CAST: variants seen among roughly 807,000 people sequenced by gnomAD.
CAST encodes the protein MIR583 host.
CAST carries 76 observed loss-of-function variants against 119.6 expected under a neutral mutation model. The ratio of observed to expected loss-of-function variants is 0.64; its 90% CI spans 0.53 to 0.77. The LOEUF (loss-of-function observed/expected upper bound fraction) is 0.77, where lower values mean the gene tolerates loss of function less well. Among genes scored for constraint, CAST ranks in the 30% least tolerant of loss-of-function variants. The probability of loss-of-function intolerance (pLI) is 0.00; values close to 1 mark genes in which losing one functional copy is unlikely to be tolerated. For missense variants in CAST, 953 were observed against 946.5 expected, an observed-to-expected ratio of 1.01 and a Z score of -0.09; for synonymous variants, 319 against 331.6, an observed-to-expected ratio of 0.96 and a Z score of 0.41.
the CAST span, among the ~76,000 whole-genome samples, chr5:96,159,405 A>T: frequency 6.6e-6 from 1 of 152,236 alleles, no homozygotes; most frequent in African/African-American, 2.4e-5. Context: ...TGGAATTTTT[A>T]AATTATAAAA....
the CAST span, among the ~76,000 whole-genome samples, chr5:96,376,023 C>G: frequency 1.3e-5 from 2 of 150,686 alleles, no homozygotes; most frequent in Admixed American, 6.6e-5. Flanking sequence ...CCATCACCCT[C>G]TAATATCACA....
At chr5:96,035,796 C>T in the CAST span, among the ~76,000 whole-genome samples, 1 of 151,128 alleles carries the variant, frequency 6.6e-6, no homozygotes, top group African/African-American at 2.4e-5. Context: ...GGGGTGGAGC[C>T]GCTACCAGTC....
chr5:96,488,925 A>G, the CAST span, among the ~76,000 whole-genome samples: 1 of 152,222 alleles, frequency 6.6e-6, no homozygotes, highest in Non-Finnish European at 1.5e-5. Flanking sequence ...AATGGCACAA[A>G]CCAAGATATT....
At chr5:96,120,104 T>G in the CAST span, among the ~76,000 whole-genome samples, 1 of 152,186 alleles carries the variant, frequency 6.6e-6, no homozygotes, top group Admixed American at 6.5e-5. Context: ...TAGTCTAGGC[T>G]TCTTAGCATT....
the CAST span, among the ~76,000 whole-genome samples, chr5:96,279,347 T>G: frequency 6.6e-6 from 1 of 152,196 alleles, no homozygotes; most frequent in African/African-American, 2.4e-5. Flanking sequence ...GATCTGAAGA[T>G]GAGATGTTTG....
the CAST span, among the ~76,000 whole-genome samples, chr5:96,395,990 A>G: frequency 6.6e-6 from 1 of 152,214 alleles, no homozygotes; most frequent in Non-Finnish European, 1.5e-5. Context: ...CAGACTTGAC[A>G]TGAAATAAAT....
At chr5:96,666,278 AC>A (rs1749327633) in intron 1 of CAST, among the ~76,000 whole-genome samples, 2 of 147,838 alleles carry the variant, frequency 1.4e-5, no homozygotes, top group African/African-American at 5.0e-5. Context: ...ACACACACAC[AC>A]CACACAACTC....
the CAST span, among the ~76,000 whole-genome samples, chr5:96,244,157 TCATAAAG>T: frequency 6.6e-6 from 1 of 152,198 alleles, no homozygotes; most frequent in Non-Finnish European, 1.5e-5. Flanking sequence ...CAAAGTCTGA[TCATAAAG>T]CATTTTTTCC....
At chr5:96,492,014 G>C in the CAST span, among the ~76,000 whole-genome samples, 3 of 152,214 alleles carry the variant, frequency 2.0e-5, no homozygotes, top group African/African-American at 7.2e-5. Flanking sequence ...AAGGCACAGG[G>C]GGACTCTGGG....
At chr5:95,972,728 A>T in the CAST span, among the ~76,000 whole-genome samples, 1 of 151,920 alleles carries the variant, frequency 6.6e-6, no homozygotes, top group Non-Finnish European at 1.5e-5. Flanking sequence ...CAGTTTATCA[A>T]TTTTTTTTCC....
chr5:96,122,663 A>G, the CAST span, among the ~76,000 whole-genome samples: 2 of 151,994 alleles, frequency 1.3e-5, no homozygotes, highest in African/African-American at 4.8e-5. Flanking sequence ...ATGTGCACAT[A>G]TCAGTTGAAG....
chr5:96,050,387 TG>T, the CAST span, among the ~76,000 whole-genome samples: 1 of 147,462 alleles, frequency 6.8e-6, no homozygotes, highest in Non-Finnish European at 1.5e-5. Context: ...TGGGAGGGGG[TG>T]GAATTTGCTA....
At chr5:96,204,547 G>T in the CAST span, among the ~76,000 whole-genome samples, 1 of 152,080 alleles carries the variant, frequency 6.6e-6, no homozygotes, top group African/African-American at 2.4e-5. Flanking sequence ...AGCATGGGGT[G>T]TAGTCAGGCA....
the CAST span, among the ~76,000 whole-genome samples, chr5:96,348,284 A>G: frequency 6.6e-6 from 1 of 152,056 alleles, no homozygotes; most frequent in Non-Finnish European, 1.5e-5. Context: ...GGAAAGGACT[A>G]TAGGATTAAG....
intron 24 of CAST, among the ~76,000 whole-genome samples, chr5:96,758,146 C>T (rs1028263140): frequency 6.6e-6 from 1 of 152,084 alleles, no homozygotes; most frequent in African/African-American, 2.4e-5. Context: ...ATAGTGGATG[C>T]TTTTATTAGT....
intron 1 of CAST, among the ~76,000 whole-genome samples, chr5:96,565,699 C>T (rs10060278): frequency 0.093 from 13,987 of 150,280 alleles, 944 homozygotes; most frequent in Non-Finnish European, 0.14. Context: ...CTAATTTTTC[C>T]TAAGGCAGCC....
At position 96,589,867 on chromosome 5, in the gene CAST, C is replaced by T. The variant is rs542152050; in HGVS notation, c.60+59987C>T. Among the ~76,000 whole-genome samples the T allele has an allele frequency of 3.3e-5, 5 of 152,318 alleles. No individual in the cohort carries two copies. In the South Asian group the frequency reaches 8.3e-4, roughly 25 times the overall value. On this transcript the variant is annotated intron_variant, in intron 1 of 11. Transcript: ENST00000505143. ...ACAAATTTAGTAGTAATTCTCTGCA[C>T]TCCAGGCAACTGTTCCTTATACAAG...
rs200320685 is a variant in CAST, at chr5:96,676,717, T to TA, written c.138+1127dup. 1.5e-3 allele frequency among the ~76,000 whole-genome samples: 219 copies of TA among 145,764 alleles called. 1 individual carries two copies. The Middle Eastern group carries it at 0.018, about 12-fold the overall frequency. ...AAATTAATAAAAGATAAATTTCCATTAAAAAAAAAAACCACAAATTTTTCT... is the reference window on the plus strand; with the variant it reads ...AAATTAATAAAAGATAAATTTCCATTAAAAAAAAAAAACCACAAATTTTTCT... On this transcript the variant is annotated intron_variant, in intron 2 of 31. Transcript: ENST00000675179.
At chr5:96,579,809 G>A (rs1157062208) in intron 1 of CAST, among the ~76,000 whole-genome samples, 1 of 152,158 alleles carries the variant, frequency 6.6e-6, no homozygotes, top group Non-Finnish European at 1.5e-5. Flanking sequence ...GTATACTTTT[G>A]AAAAACAAAT....
Sources: gnomAD v4.1 joint callset for allele counts (sites outside exome capture counted in the v4.1 genomes callset) on GRCh38, gnomAD v4.1.1 for gene constraint, MANE v1.5 for transcripts, NCBI Gene and HGNC (gene_info 2026-07-23, HGNC 2026-07-21) for gene names.